Variants in FBXO15 observed in about 807,000 individuals in gnomAD.
FBXO15 encodes the protein F-box protein 15.
Under a neutral mutation model 49.5 loss-of-function variants are expected in FBXO15, and 30 were observed. That is an observed-to-expected ratio of 0.61 (90% CI 0.45 to 0.82). FBXO15 has a LOEUF of 0.82. Ranked by LOEUF, FBXO15 falls within the 40% of genes least tolerant of loss-of-function variation. The probability of loss-of-function intolerance (pLI) is 0.00; values close to 1 mark genes in which losing one functional copy is unlikely to be tolerated. For missense variants in FBXO15, 591 were observed against 631.5 expected (o/e 0.94, Z 0.69); for synonymous variants, 250 against 232.7 (o/e 1.07, Z -0.68).
chr18:74,142,912 T>C (rs1256705949), intron 1 of FBXO15, among the ~76,000 whole-genome samples: 1 of 152,220 alleles, frequency 6.6e-6, no homozygotes, highest in East Asian at 1.9e-4. Context: ...TTATTATTGT[T>C]GTAAAGTCTG....
intron 1 of FBXO15, chr18:74,140,842 T>C (rs937018863): frequency 6.6e-6 from 1 of 152,326 alleles, no homozygotes; most frequent in African/African-American, 2.4e-5. Context: ...GTTAGTGTAC[T>C]GATTAGCCAA....
rs1217051052 is a variant in FBXO15 at position 74,075,833 on chromosome 18, T to C, written c.1264-2103A>G. The stretch of plus-strand genomic sequence containing the variant: ...TACAGCTTGGTCCTAGGCCCTATTT[T>C]CACTCTATGTAATCTCTCCCCATAA... On this transcript the variant is annotated intron_variant, in intron 9 of 9. Coordinates refer to ENST00000419743, the MANE Select transcript of FBXO15 (RefSeq NM_001142958.2). The surrounding 1 kb of genome is among the most constrained non-coding windows in gnomAD (Gnocchi z 4.1). Among the ~76,000 whole-genome samples the C allele has an allele frequency of 6.6e-6, 1 of 152,182 alleles. No individual in the cohort carries two copies. Among genetic ancestry groups the C allele is most frequent in the African/African-American group, 2.4e-5 (1 of 41,450 alleles).
intron 8 of FBXO15, among the ~76,000 whole-genome samples, chr18:74,087,806 G>A (rs1403426044): frequency 2.6e-5 from 4 of 152,148 alleles, no homozygotes; most frequent in Non-Finnish European, 5.9e-5. Context: ...TTCCACAATG[G>A]CTGAACTAAT....
intron 2 of FBXO15, among the ~76,000 whole-genome samples, chr18:74,138,904 G>A (rs746080813): frequency 8.6e-5 from 13 of 151,974 alleles, no homozygotes; most frequent in Non-Finnish European, 1.8e-4. Flanking sequence ...GTGTCTCTCC[G>A]TCTTCCCTAC....
intron 2 of FBXO15, among the ~76,000 whole-genome samples, chr18:74,136,431 G>A (rs914457717): frequency 7.2e-5 from 11 of 152,176 alleles, no homozygotes; most frequent in Non-Finnish European, 1.5e-4. Flanking sequence ...GAGATAAAAA[G>A]AGAATCAGAG....
At chr18:74,082,196 A>G in intron 8 of FBXO15, 145 bp from the exon 9 acceptor site, 1 of 652,526 alleles carries the variant, frequency 1.5e-6, no homozygotes, top group East Asian at 3.1e-5. Flanking sequence ...CAGCAATCCC[A>G]GCCTCTGGCT....
intron 2 of FBXO15, 120 bp from the exon 3 acceptor site, chr18:74,135,986 T>C: frequency 1.5e-6 from 1 of 677,622 alleles, no homozygotes; most frequent in South Asian, 2.0e-5. Context: ...AGACCCCTCC[T>C]GTACAAGAGG....
At chr18:74,141,798 C>T (rs1979094196) in intron 1 of FBXO15, among the ~76,000 whole-genome samples, 1 of 152,144 alleles carries the variant, frequency 6.6e-6, no homozygotes, top group Non-Finnish European at 1.5e-5. Context: ...GAGCCTACCG[C>T]AAGACAGCAT....
At chr18:74,091,203 G>A (rs1299858744) in intron 8 of FBXO15, among the ~76,000 whole-genome samples, 1 of 152,008 alleles carries the variant, frequency 6.6e-6, no homozygotes, top group Non-Finnish European at 1.5e-5. Flanking sequence ...GTCTGAAGTT[G>A]GAATAGTAAC....
rs539219816 is a variant in FBXO15 at position 74,082,112 on chromosome 18, C to T, written c.1139-61G>A. 37 of 1,577,892 alleles carry T rather than the reference C, an allele frequency of 2.3e-5. No individual in the cohort carries two copies. In the African/African-American group the frequency reaches 4.1e-4, roughly 17 times the overall value. On this transcript the variant is annotated intron_variant, in intron 8 of 9. Transcript: ENST00000419743. Reference sequence around the variant, plus strand: ...CCAGTGCAAGATGACAAACCAAGCACGTTCAGTCGGCGACTTTATAAGGAT... The same window carrying T: ...CCAGTGCAAGATGACAAACCAAGCATGTTCAGTCGGCGACTTTATAAGGAT...
rs765884442 is a variant in FBXO15, at chr18:74,140,258, G to C, written c.171C>G (p.Ala57=). The change falls in exon 2 of 10, where the codon GCC becomes GCG. Residue 57 remains alanine, a synonymous_variant. Transcript: ENST00000419743. ...SAGSAALRCH[A]GGGQHWESSF... ...AGCTCTCCCAGTGCTGTCCACCTCC[G>C]GCATGGCACCTCAGGGCAGCAGAGC... The C allele has an allele frequency of 3.2e-6, 5 of 1,551,512 alleles. No homozygotes were observed. Among genetic ancestry groups the C allele is most frequent in the Non-Finnish European group, 4.4e-6 (5 of 1,146,950 alleles).
intron 1 of FBXO15, 74 bp downstream of exon 1, chr18:74,147,596 C>T: frequency 1.5e-6 from 2 of 1,327,094 alleles, no homozygotes; most frequent in Non-Finnish European, 1.9e-6. Flanking sequence ...GAATAAAATA[C>T]ACGGTGAAGA....
intron 8 of FBXO15, among the ~76,000 whole-genome samples, chr18:74,114,751 T>C (rs77331737): frequency 6.6e-6 from 1 of 152,196 alleles, no homozygotes; most frequent in African/African-American, 2.4e-5. Flanking sequence ...CTAGGGATCA[T>C]ACATTTTTCT....
intron 9 of FBXO15, among the ~76,000 whole-genome samples, chr18:74,080,844 A>C (rs1912461964): frequency 6.6e-6 from 1 of 152,220 alleles, no homozygotes; most frequent in Non-Finnish European, 1.5e-5. Flanking sequence ...CTACCAGAAA[A>C]CACAGAACAA....
intron 3 of FBXO15, among the ~76,000 whole-genome samples, chr18:74,133,724 T>C (rs1287966711): frequency 6.6e-6 from 1 of 152,202 alleles, no homozygotes; most frequent in Non-Finnish European, 1.5e-5. Flanking sequence ...AGGAAGCTTC[T>C]ACACGTGGCA....
intron 8 of FBXO15, among the ~76,000 whole-genome samples, chr18:74,115,365 T>C (rs1316606968): frequency 6.6e-6 from 1 of 152,076 alleles, no homozygotes; most frequent in African/African-American, 2.4e-5. Context: ...GCACCAAGAG[T>C]TAAATGGGTT....
intron 1 of FBXO15, among the ~76,000 whole-genome samples, chr18:74,144,889 C>A (rs960284375): frequency 1.3e-5 from 2 of 151,996 alleles, no homozygotes; most frequent in Admixed American, 6.6e-5. Flanking sequence ...TTGTGTGTCC[C>A]GAATTTATGA....
chr18:74,085,110 T>C (rs940752432), intron 8 of FBXO15, among the ~76,000 whole-genome samples: 8 of 151,970 alleles, frequency 5.3e-5, no homozygotes, highest in Admixed American at 2.0e-4. Flanking sequence ...ATAATCCCAA[T>C]AGGTACTTCA....
At chr18:74,142,049 G>GTA (rs1979109975) in intron 1 of FBXO15, among the ~76,000 whole-genome samples, 1 of 152,100 alleles carries the variant, frequency 6.6e-6, no homozygotes, top group African/African-American at 2.4e-5. Context: ...TCCAGATCCT[G>GTA]TAAGAGTAAA....
Sources: gnomAD v4.1 joint callset for allele counts (sites outside exome capture counted in the v4.1 genomes callset) on GRCh38, gnomAD v4.1.1 for gene constraint, Gnocchi (gnomAD v3.1) non-coding constraint, MANE v1.5 for transcripts, NCBI Gene and HGNC (gene_info 2026-07-23, HGNC 2026-07-21) for gene names.